The following CNBD1 variants were observed in gnomAD, a reference collection of about 807,000 sequenced individuals.
CNBD1 encodes cyclic nucleotide-binding domain-containing protein 1.
CNBD1 carries 71 observed loss-of-function variants against 54.4 expected under a neutral mutation model. The ratio of observed to expected loss-of-function variants is 1.30; its 90% confidence interval spans 1.08 to 1.59. CNBD1 has a LOEUF of 1.59. Ranked by LOEUF, CNBD1 falls within the 40% of genes most tolerant of loss-of-function variation. The pLI, the probability that CNBD1 is intolerant of heterozygous loss-of-function variation, is 0.00. For missense variants in CNBD1, 659 were observed against 518.0 expected (o/e 1.27, Z -2.64); for synonymous variants, 182 against 170.7 (o/e 1.07, Z -0.51).
At chr8:87,241,364 G>A (rs533935698) in intron 6 of CNBD1, among the ~76,000 whole-genome samples, 6 of 140,356 alleles carry the variant, frequency 4.3e-5, no homozygotes, top group East Asian at 2.2e-4. Flanking sequence ...TCTGCCTCCC[G>A]GGTTCACGTC....
chr8:87,349,851 A>G (rs1187877790), intron 8 of CNBD1, among the ~76,000 whole-genome samples: 1 of 152,210 alleles, frequency 6.6e-6, no homozygotes, highest in Non-Finnish European at 1.5e-5. Context: ...AGATTTTGCA[A>G]CAATGGTTTG....
chr8:87,004,258 G>T (rs1484573460), intron 4 of CNBD1, among the ~76,000 whole-genome samples: 2 of 152,086 alleles, frequency 1.3e-5, no homozygotes, highest in Admixed American at 1.3e-4. Flanking sequence ...CATGGGAGAA[G>T]GTGAAGTGGG....
intron 4 of CNBD1, among the ~76,000 whole-genome samples, chr8:87,124,641 G>A (rs1811956553): frequency 6.6e-6 from 1 of 151,482 alleles, no homozygotes; most frequent in Non-Finnish European, 1.5e-5. Context: ...AGATATAGAG[G>A]GAGTGTACCT....
chr8:86,917,240 G>C (rs938474750), intron 3 of CNBD1, among the ~76,000 whole-genome samples: 1 of 152,070 alleles, frequency 6.6e-6, no homozygotes, highest in African/African-American at 2.4e-5. Context: ...ATCACCTTAG[G>C]AGTTTTGAAA....
In CNBD1 at chr8:86,866,579, A is replaced by T; in HGVS notation, c.84A>T (p.Ile28=). ...TGCCTCCTCCTCCACTTCACAGTATACCAAGTGAGTGGGAAATACTTTGAT... is the reference window on the plus strand; with the variant it reads ...TGCCTCCTCCTCCACTTCACAGTATTCCAAGTGAGTGGGAAATACTTTGAT... ...NNVPPPPLHS[I]PNLKKSKHIN... The change falls in exon 1 of 11, where the codon ATA becomes ATT. Residue 28 remains isoleucine (I), a synonymous_variant. Coordinates refer to ENST00000518476, the MANE Select transcript of CNBD1 (RefSeq NM_173538.3). 1 of 1,600,178 alleles carries T rather than the reference A, an allele frequency of 6.2e-7. No individual in the cohort carries two copies. Among genetic ancestry groups the T allele is most frequent in the Non-Finnish European group, 8.5e-7 (1 of 1,169,926 alleles).
At chr8:87,415,702 C>A (rs1807823285) in intron 2 of CNBD1, among the ~76,000 whole-genome samples, 1 of 151,616 alleles carries the variant, frequency 6.6e-6, no homozygotes, top group South Asian at 2.1e-4. Flanking sequence ...GATTCCTGTC[C>A]AAACTTCAAG....
At chr8:87,028,988 T>G (rs1447782568) in intron 4 of CNBD1, among the ~76,000 whole-genome samples, 6 of 152,310 alleles carry the variant, frequency 3.9e-5, no homozygotes, top group Non-Finnish European at 8.8e-5. Context: ...TCCTAACAAG[T>G]GTGAGGTGAT....
At chr8:87,090,488 G>A (rs1811183389) in intron 4 of CNBD1, among the ~76,000 whole-genome samples, 1 of 152,114 alleles carries the variant, frequency 6.6e-6, no homozygotes, top group South Asian at 2.1e-4. Flanking sequence ...CATTTTTAGT[G>A]GAACACATTT....
chr8:87,296,785 TA>T (rs1808884267), intron 8 of CNBD1, among the ~76,000 whole-genome samples: 1 of 152,082 alleles, frequency 6.6e-6, no homozygotes, highest in Non-Finnish European at 1.5e-5. Context: ...CATGGTGTAA[TA>T]ATATATGGTT....
intron 8 of CNBD1, among the ~76,000 whole-genome samples, chr8:87,307,273 A>G (rs1050607420): frequency 6.6e-6 from 1 of 152,218 alleles, no homozygotes; most frequent in Non-Finnish European, 1.5e-5. Flanking sequence ...TGTGAAGAAC[A>G]CAATTTAACT....
At chr8:87,114,525 A>G (rs929403505) in intron 4 of CNBD1, among the ~76,000 whole-genome samples, 3 of 151,874 alleles carry the variant, frequency 2.0e-5, no homozygotes, top group Admixed American at 6.6e-5. Flanking sequence ...TAATTTTTGT[A>G]TTTTTAGTAG....
chr8:87,363,704 TG>T (rs1810572989), intron 10 of CNBD1, among the ~76,000 whole-genome samples: 1 of 152,048 alleles, frequency 6.6e-6, no homozygotes, highest in Admixed American at 6.6e-5. Flanking sequence ...TGGGGTTGTT[TG>T]TTTTTTTCTT....
intron 4 of CNBD1, among the ~76,000 whole-genome samples, chr8:86,959,599 T>G (rs565388078): frequency 6.6e-6 from 1 of 152,332 alleles, no homozygotes; most frequent in African/African-American, 2.4e-5. Flanking sequence ...TTCATTGATT[T>G]GATCTTCAGT....
chr8:87,103,564 CCTT>C (rs575374984), intron 4 of CNBD1, among the ~76,000 whole-genome samples: 144 of 152,270 alleles, frequency 9.5e-4, no homozygotes, highest in African/African-American at 3.2e-3. Context: ...GCAAATATGT[CCTT>C]CTTCACATGG....
At chr8:87,378,844 T>A (rs923041754) in intron 10 of CNBD1, among the ~76,000 whole-genome samples, 49 of 150,176 alleles carry the variant, frequency 3.3e-4, no homozygotes, top group African/African-American at 1.2e-3. Context: ...CAGTGGTTTG[T>A]AGTTCTCCTT....
intron 1 of CNBD1, among the ~76,000 whole-genome samples, chr8:86,874,986 T>TTATTTA (rs1554626870): frequency 2.5e-5 from 3 of 120,120 alleles, no homozygotes; most frequent in Admixed American, 1.7e-4. Context: ...GTAAATCAAT[T>TTATTTA]TATATATATA....
At chr8:87,415,276 T>A (rs1191399121) in intron 2 of CNBD1, among the ~76,000 whole-genome samples, 1 of 152,016 alleles carries the variant, frequency 6.6e-6, no homozygotes, top group Non-Finnish European at 1.5e-5. Context: ...TCTAATTCAG[T>A]AAGTCTAGGT....
chr8:86,903,118 A>G (rs993389947), intron 2 of CNBD1, among the ~76,000 whole-genome samples: 4 of 152,032 alleles, frequency 2.6e-5, no homozygotes, highest in Non-Finnish European at 5.9e-5. Context: ...TTCCATTTCA[A>G]CCTTCCACGT....
chr8:87,148,941 C>T, intron 4 of CNBD1, among the ~76,000 whole-genome samples: 1 of 152,172 alleles, frequency 6.6e-6, no homozygotes, highest in Admixed American at 6.5e-5. Context: ...ATCTCCCTAT[C>T]TGATGAAACA....
Sources: allele counts gnomAD v4.1 joint callset (sites outside exome capture counted in the v4.1 genomes callset), GRCh38; gene constraint gnomAD v4.1.1; transcripts MANE v1.5; gene names NCBI Gene and HGNC (gene_info 2026-07-23, HGNC 2026-07-21).